The following CCDC197 variants were observed in gnomAD, a reference collection of about 807,000 sequenced individuals.
CCDC197 encodes coiled-coil domain containing 197, also known as uncharacterized protein CCDC197.
Under a neutral mutation model 13.4 loss-of-function variants are expected in CCDC197, and 24 were observed. The ratio of observed to expected loss-of-function variants is 1.80; its 90% CI spans 1.30 to 2.53. The LOEUF (loss-of-function observed/expected upper bound fraction) is 2.53. Ranked by LOEUF, CCDC197 falls within the 30% of genes most tolerant of loss-of-function variation. The probability of loss-of-function intolerance (pLI) is 0.00; values close to 1 mark genes in which losing one functional copy is unlikely to be tolerated. For synonymous variants in CCDC197, 99 were observed against 55.5 expected (o/e 1.78, Z -3.48); for missense variants, 255 against 148.8 (o/e 1.71, Z -3.71).
At chr14:93,995,381 C>T (rs767316814), upstream of CCDC197, among the ~76,000 whole-genome samples, 1 of 152,104 alleles carries the variant, frequency 6.6e-6, no homozygotes, top group Non-Finnish European at 1.5e-5. Context: ...TATAGGGCTG[C>T]GAGGGAAACA....
chr14:93,996,845 G>A (rs1013037899), upstream of CCDC197, among the ~76,000 whole-genome samples: 1 of 152,182 alleles, frequency 6.6e-6, no homozygotes, highest in African/African-American at 2.4e-5. Context: ...GAGGTTCACC[G>A]CCAAGCTGTA....
rs1374166911 is a variant in CCDC197 at position 94,004,914 on chromosome 14, C to T, written c.558C>T (p.Pro186=). ...TITNMARQCC[P]SAHGVPKSMD... is the part of the protein sequence containing the mutation. ...CCAACATGGCCCGGCAGTGCTGCCC[C>T]TCTGCCCACGGCGTGCCCAAGAGCA... Residue 186 remains proline, a synonymous_variant, in exon 6 of 7, where the codon CCC becomes CCT. Transcript: ENST00000636493. The T allele has an allele frequency of 4.3e-6, 3 of 703,010 alleles. No individual in the cohort carries two copies. Among genetic ancestry groups the T allele is most frequent in the Admixed American group, 2.0e-5 (1 of 50,012 alleles). The allele number at this position is 703,010 out of a possible 1,614,324, so 43.5% of individuals were successfully genotyped here.
At chr14:93,997,034 A>G (rs1397268055), upstream of CCDC197, among the ~76,000 whole-genome samples, 3 of 152,232 alleles carry the variant, frequency 2.0e-5, no homozygotes, top group Non-Finnish European at 2.9e-5. Context: ...GGACAGGTCA[A>G]TTGGAACTGG....
intron 1 of CCDC197, among the ~76,000 whole-genome samples, chr14:93,988,094 A>G (rs1595345606): frequency 1.5e-5 from 1 of 67,000 alleles, no homozygotes; most frequent in African/African-American, 6.2e-5. Context: ...GGATGGGAGG[A>G]AGGGGGTGGA....
At position 94,003,377 on chromosome 14, in the gene CCDC197, G is replaced by T; in HGVS notation, c.498+23G>T. 1 of 723,130 alleles carries T rather than the reference G, an allele frequency of 1.4e-6. No homozygotes were observed. The allele number at this position is 723,130 out of a possible 1,614,324, so 44.8% of individuals were successfully genotyped here. ...AATGTGAGTCCAGTCTTTCAGCCTG[G>T]GGGTGGGGTTAGGGGTGGGGAAGGG... On this transcript the variant is annotated intron_variant, in intron 5 of 6. Transcript: ENST00000636493. The surrounding 1 kb of genome is among the most constrained non-coding windows in gnomAD (Gnocchi z 5.0).
chr14:93,996,470 G>A (rs917522349), upstream of CCDC197, among the ~76,000 whole-genome samples: 3 of 150,140 alleles, frequency 2.0e-5, no homozygotes, highest in East Asian at 1.9e-4. Context: ...TGCTCCAGCC[G>A]TGCCCCAACT....
At chr14:93,990,844 C>A (rs1285882638) in intron 1 of CCDC197, among the ~76,000 whole-genome samples, 1 of 152,224 alleles carries the variant, frequency 6.6e-6, no homozygotes, top group Non-Finnish European at 1.5e-5. Context: ...TGAGCACTTT[C>A]TTTGGGCTAG....
intron 6 of CCDC197, among the ~76,000 whole-genome samples, chr14:94,005,363 G>A (rs989359579): frequency 6.6e-6 from 1 of 152,132 alleles, no homozygotes; most frequent in African/African-American, 2.4e-5. Context: ...CAACTTGCAC[G>A]CACGAAGATA....
intron 1 of CCDC197, among the ~76,000 whole-genome samples, chr14:93,991,411 G>A (rs1049351919): frequency 6.6e-6 from 1 of 152,152 alleles, no homozygotes; most frequent in African/African-American, 2.4e-5. Context: ...ACTTACAGAC[G>A]AGGACACAGA....
At chr14:93,997,133 TC>T (rs1890340744), upstream of CCDC197, 1 of 152,282 alleles carries the variant, frequency 6.6e-6, no homozygotes, top group Non-Finnish European at 1.5e-5. Flanking sequence ...CTCCCCATCT[TC>T]TTGGGAACGG....
At chr14:94,004,721 G>A (rs1220559841) in intron 5 of CCDC197, 134 bp from the exon 6 acceptor site, 1 of 608,976 alleles carries the variant, frequency 1.6e-6, no homozygotes, top group African/African-American at 1.8e-5. Context: ...GAGGAATATA[G>A]ACCATGATGA....
At chr14:94,007,988 TC>T (rs1358426692) in intron 6 of CCDC197, among the ~76,000 whole-genome samples, 2 of 152,218 alleles carry the variant, frequency 1.3e-5, no homozygotes, top group Non-Finnish European at 2.9e-5. Flanking sequence ...GTAATTGGCA[TC>T]CCTAGTTATA....
chr14:93,996,666 G>C (rs904477373), upstream of CCDC197, among the ~76,000 whole-genome samples: 1 of 152,142 alleles, frequency 6.6e-6, no homozygotes, highest in African/African-American at 2.4e-5. Context: ...GGCTTCCCAG[G>C]AGCCATCTGA....
chr14:94,006,557 A>G (rs537820459), intron 6 of CCDC197, among the ~76,000 whole-genome samples: 51 of 152,076 alleles, frequency 3.4e-4, no homozygotes, highest in African/African-American at 1.2e-3. Context: ...GGGTTTCACC[A>G]TGTTGGCCAG....
downstream of CCDC197, among the ~76,000 whole-genome samples, chr14:94,011,303 C>T (rs1313481455): frequency 6.6e-6 from 1 of 152,236 alleles, no homozygotes; most frequent in Admixed American, 6.5e-5. Flanking sequence ...CACCTGCCTG[C>T]TGTGCACCTG....
upstream of CCDC197, among the ~76,000 whole-genome samples, chr14:93,992,723 C>T (rs373561822): frequency 1.2e-4 from 19 of 152,356 alleles, 2 homozygotes; most frequent in East Asian, 2.3e-3. Flanking sequence ...CGGGAAGGCC[C>T]TGTCTTGGGA....
chr14:94,007,333 C>T (rs748732132), intron 6 of CCDC197: 1 of 152,128 alleles, frequency 6.6e-6, no homozygotes, highest in Non-Finnish European at 1.5e-5. Flanking sequence ...TTCATTATTT[C>T]GCATGAGGAT....
chr14:94,011,437 T>C (rs1021744394), downstream of CCDC197, among the ~76,000 whole-genome samples: 1 of 152,226 alleles, frequency 6.6e-6, no homozygotes, highest in Non-Finnish European at 1.5e-5. Flanking sequence ...CTGGGTACCT[T>C]GGGAGCTCCC....
chr14:94,001,229 A>G lies in CCDC197; in HGVS notation c.272A>G (p.Asp91Gly), dbSNP rs747045884. ...GGGAAGCTCTTCACAGCCAGCCAGGACACGCAGAAGCGCCTCGAGGCCTTC... is the reference window on the plus strand; with the variant it reads ...GGGAAGCTCTTCACAGCCAGCCAGGGCACGCAGAAGCGCCTCGAGGCCTTC... ...HYGKLFTASQ[D>G]TQKRLEAFCQ... Residue 91 changes from aspartate (D) to glycine (G), a missense_variant, in exon 4 of 7, where the codon GAC becomes GGC. Physicochemically the swap from Asp to Gly is moderately conservative, Grantham distance 94. Transcript: ENST00000636493. 1 of 780,968 alleles carries G rather than the reference A, an allele frequency of 1.3e-6. No homozygotes were observed. The highest frequency in any genetic ancestry group is 2.4e-6 in the Non-Finnish European group (1 of 418,074). 48.4% of individuals were successfully genotyped at this position (780,968 alleles called of 1,614,324 possible). A position where few individuals can be genotyped will look rare whatever the true frequency, so the allele number is the denominator to read the frequency against.
Sources: gnomAD v4.1 joint callset for allele counts (sites outside exome capture counted in the v4.1 genomes callset) on GRCh38, gnomAD v4.1.1 for gene constraint, Gnocchi (gnomAD v3.1) non-coding constraint, MANE v1.5 for transcripts, NCBI Gene and HGNC (gene_info 2026-07-23, HGNC 2026-07-21) for gene names.